SIGLEC9: variants seen among roughly 807,000 people sequenced by gnomAD.
The protein encoded by SIGLEC9 is sialic acid-binding Ig-like lectin 9.
A neutral mutation model predicts 38.3 loss-of-function variants in SIGLEC9; 26 were observed. The ratio of observed to expected loss-of-function variants is 0.68; its 90% CI spans 0.50 to 0.94. The LOEUF (loss-of-function observed/expected upper bound fraction) is 0.94, where lower values mean the gene tolerates loss of function less well. Ranked by LOEUF, SIGLEC9 falls within the 40% of genes least tolerant of loss-of-function variation. The pLI, the probability that SIGLEC9 is intolerant of heterozygous loss-of-function variation, is 0.00. For missense variants in SIGLEC9, 556 were observed against 585.7 expected, an observed-to-expected ratio of 0.95 and a Z score of 0.52; for synonymous variants, 236 against 248.0, an observed-to-expected ratio of 0.95 and a Z score of 0.45.
downstream of SIGLEC9, among the ~76,000 whole-genome samples, chr19:51,131,118 T>C (rs551916615): frequency 2.2e-4 from 34 of 151,982 alleles, no homozygotes; most frequent in Non-Finnish European, 4.0e-4. Context: ...TCCAAAAAAA[T>C]TTACCTACAT....
downstream of SIGLEC9, among the ~76,000 whole-genome samples, chr19:51,132,558 T>C (rs1286173099): frequency 6.6e-6 from 1 of 152,152 alleles, no homozygotes; most frequent in Admixed American, 6.5e-5. Flanking sequence ...CAAAAGGCCA[T>C]CTGGTGGACA....
chr19:51,128,120 TG>T, intron 5 of SIGLEC9, 81 bp downstream of exon 5: 1 of 1,146,566 alleles, frequency 8.7e-7, no homozygotes, highest in Non-Finnish European at 1.3e-6. Flanking sequence ...AAGCCAGAGC[TG>T]GAGGGACCTG....
At chr19:51,133,635 G>T (rs2092028446), downstream of SIGLEC9, among the ~76,000 whole-genome samples, 1 of 151,898 alleles carries the variant, frequency 6.6e-6, no homozygotes, top group South Asian at 2.1e-4. Context: ...TGAAATTAGG[G>T]TTGGTAAAAA....
chr19:51,133,785 G>C (rs1471445234), downstream of SIGLEC9, among the ~76,000 whole-genome samples: 2 of 151,990 alleles, frequency 1.3e-5, no homozygotes, highest in Non-Finnish European at 2.9e-5. Context: ...TGTGGCTACT[G>C]AGCACTTGAA....
At position 51,129,020 on chromosome 19, in the gene SIGLEC9, T is replaced by G. The variant is rs1599819523; in HGVS notation, c.1203+510T>G. On this transcript the variant is annotated intron_variant, in intron 6 of 6. Coordinates refer to ENST00000250360, the MANE Select transcript of SIGLEC9 (RefSeq NM_014441.3). ...ACAAATGAATATGGCTGTGTGCCAA[T>G]AAAACTATTCACAAACATAAAGAGT... 4 of 148,922 alleles carry G rather than the reference T, an allele frequency of 2.7e-5. No individual in the cohort carries two copies. In the South Asian group the frequency reaches 7.8e-4, roughly 29 times the overall value. The allele number at this position is 148,922 out of a possible 1,614,324, so 9.2% of individuals were successfully genotyped here. A position where few individuals can be genotyped will look rare whatever the true frequency, so the allele number is the denominator to read the frequency against.
rs1434785649 is a variant in SIGLEC9 at position 51,125,407 on chromosome 19, G to C, written c.421+12G>C. On this transcript the variant is annotated intron_variant, in intron 1 of 6. Coordinates refer to ENST00000250360, the MANE Select transcript of SIGLEC9 (RefSeq NM_014441.3). The stretch of plus-strand genomic sequence containing the variant: ...TGTGAATGTGACAGGTAAGGCACAG[G>C]CTCCAGGAAAGGCCACAGGGAAAGG... 35 of 1,568,972 alleles carry C rather than the reference G, an allele frequency of 2.2e-5. No homozygotes were observed. The highest frequency in any genetic ancestry group is 2.8e-5 in the Non-Finnish European group (32 of 1,157,284).
At chr19:51,122,334 G>A (rs1256330064), upstream of SIGLEC9, among the ~76,000 whole-genome samples, 4 of 152,166 alleles carry the variant, frequency 2.6e-5, no homozygotes, top group African/African-American at 9.7e-5. This position sits in a 1 kb window ranked among gnomAD's most constrained non-coding sequence, Gnocchi z 4.1. Flanking sequence ...TGTAATGCCA[G>A]CACTTTGGGA....
At chr19:51,127,919 A>G (rs1472337869) in intron 4 of SIGLEC9, 30 bp from the exon 5 acceptor site, 1 of 1,422,580 alleles carries the variant, frequency 7.0e-7, no homozygotes, top group Non-Finnish European at 9.9e-7. Context: ...TCTATGATAT[A>G]TCACAAAAAT....
At chr19:51,122,529 T>C (rs1169967457), upstream of SIGLEC9, among the ~76,000 whole-genome samples, 1 of 144,432 alleles carries the variant, frequency 6.9e-6, no homozygotes, top group Non-Finnish European at 1.5e-5. The surrounding 1 kb of genome is among the most constrained non-coding windows in gnomAD (Gnocchi z 4.1). Context: ...TGCAGTGAGC[T>C]GAGATCACGG....
chr19:51,123,472 C>G (rs909956050), upstream of SIGLEC9, among the ~76,000 whole-genome samples: 1 of 152,214 alleles, frequency 6.6e-6, no homozygotes, highest in Admixed American at 6.5e-5. Context: ...CATGGCTCAG[C>G]CCTTCTGACC....
upstream of SIGLEC9, chr19:51,119,989 G>T (rs893889821): frequency 1.1e-5 from 2 of 188,362 alleles, no homozygotes; most frequent in South Asian, 1.2e-4. Flanking sequence ...GATGGCCTTA[G>T]AGTGCAGGAG....
downstream of SIGLEC9, among the ~76,000 whole-genome samples, chr19:51,132,656 C>T (rs761378271): frequency 1.2e-4 from 19 of 152,208 alleles, no homozygotes; most frequent in Non-Finnish European, 2.2e-4. Context: ...CGCCGCATCC[C>T]GCTCAGCTGG....
upstream of SIGLEC9, among the ~76,000 whole-genome samples, chr19:51,120,949 G>T (rs967940031): frequency 2.0e-5 from 3 of 151,122 alleles, no homozygotes; most frequent in African/African-American, 7.3e-5. The surrounding 1 kb of genome is among the most constrained non-coding windows in gnomAD (Gnocchi z 4.1). Context: ...AGGCTCAAGC[G>T]ATCCTCCTGC....
upstream of SIGLEC9, among the ~76,000 whole-genome samples, chr19:51,124,129 T>C (rs2091959985): frequency 6.6e-6 from 1 of 152,088 alleles, no homozygotes; most frequent in African/African-American, 2.4e-5. Context: ...AAAGGAGAAA[T>C]ATCTTCCCTT....
chr19:51,133,675 G>A (rs527736772), downstream of SIGLEC9, among the ~76,000 whole-genome samples: 20 of 152,102 alleles, frequency 1.3e-4, no homozygotes, highest in Non-Finnish European at 2.1e-4. Flanking sequence ...CACATCACAC[G>A]CAAAAAATTA....
At chr19:51,129,151 T>G (rs949773963) in intron 6 of SIGLEC9, among the ~76,000 whole-genome samples, 3 of 143,030 alleles carry the variant, frequency 2.1e-5, no homozygotes, top group African/African-American at 9.1e-5. Flanking sequence ...TTTTTGTTTT[T>G]TTTTTTTTTT....
rs139701937 is a variant in SIGLEC9, at chr19:51,129,481, T to G, written c.1204-410T>G. Among the ~76,000 whole-genome samples, 404 of 152,138 alleles carry G rather than the reference T, an allele frequency of 2.7e-3. 3 individuals are homozygous for G. The highest frequency in any genetic ancestry group is 9.0e-3 in the African/African-American group (373 of 41,482). ...GCCACATTCTGACCTTTTAAGCACC[T>G]ACCTCTCCACTAGGGCAAGAACAAG... On this transcript the variant is annotated intron_variant, in intron 6 of 6. Coordinates refer to ENST00000250360, the MANE Select transcript of SIGLEC9 (RefSeq NM_014441.3).
At chr19:51,128,306 C>A in intron 5 of SIGLEC9, 108 bp from the exon 6 acceptor site, 1 of 1,317,692 alleles carries the variant, frequency 7.6e-7, no homozygotes, top group Non-Finnish European at 1.1e-6. Flanking sequence ...TGCTTTCCCA[C>A]CTCAGTCACC....
intron 1 of SIGLEC9, 78 bp downstream of exon 1, chr19:51,125,473 C>A: frequency 6.5e-7 from 1 of 1,548,514 alleles, no homozygotes; most frequent in Non-Finnish European, 8.7e-7. Context: ...GAGCCCCTGC[C>A]CCAGGAGAGG....
Sources: gnomAD v4.1 joint callset for allele counts (sites outside exome capture counted in the v4.1 genomes callset) on GRCh38, gnomAD v4.1.1 for gene constraint, Gnocchi (gnomAD v3.1) non-coding constraint, MANE v1.5 for transcripts, NCBI Gene and HGNC (gene_info 2026-07-23, HGNC 2026-07-21) for gene names.